The following ADAMTSL1 variants were observed in gnomAD, a reference collection of about 807,000 sequenced individuals.
The protein encoded by ADAMTSL1 is ADAMTS like 1.
ADAMTSL1 carries 126 observed loss-of-function variants against 201.8 expected under a neutral mutation model. The ratio of observed to expected loss-of-function variants is 0.62; its 90% CI spans 0.54 to 0.72. ADAMTSL1 has a LOEUF of 0.72. ADAMTSL1 is among the 30% of genes least tolerant of loss of function. The probability of loss-of-function intolerance (pLI) is 0.00; values close to 1 mark genes in which losing one functional copy is unlikely to be tolerated. For synonymous variants in ADAMTSL1, 1,121 were observed against 903.4 expected (o/e 1.24, Z -4.32); for missense variants, 2,679 against 2,277.8 (o/e 1.18, Z -3.59).
intron 2 of ADAMTSL1, among the ~76,000 whole-genome samples, chr9:18,454,498 G>A (rs1175430108): frequency 6.6e-6 from 1 of 152,062 alleles, no homozygotes; most frequent in Non-Finnish European, 1.5e-5. Flanking sequence ...CCTTAATCCA[G>A]TCAAGTCAAC....
At chr9:18,899,469 A>G (rs1829869630) in intron 26 of ADAMTSL1, among the ~76,000 whole-genome samples, 1 of 152,242 alleles carries the variant, frequency 6.6e-6, no homozygotes, top group Non-Finnish European at 1.5e-5. Context: ...TATGAAACTG[A>G]AAAAGAGCCC....
At chr9:18,118,956 G>T (rs1447544269) in intron 1 of ADAMTSL1, among the ~76,000 whole-genome samples, 1 of 152,130 alleles carries the variant, frequency 6.6e-6, no homozygotes, top group African/African-American at 2.4e-5. Context: ...GCAAACATTT[G>T]TTATTTTTGA....
At position 18,553,104 on chromosome 9, in the gene ADAMTSL1, CT is replaced by C. The variant is rs1270773583; in HGVS notation, c.237+19813del. ...CATCTATTTGCTGTCACTATGATTA[CT>C]GATAAAATTAGACTTATTTCTGCCA... On this transcript the variant is annotated intron_variant, in intron 3 of 28. Transcript: ENST00000380548. 3.3e-5 allele frequency among the ~76,000 whole-genome samples: 5 copies of C among 151,186 alleles called. No homozygotes were observed. In the East Asian group the frequency reaches 9.7e-4, roughly 29 times the overall value.
At chr9:18,231,364 A>C (rs1158316914) in intron 2 of ADAMTSL1, among the ~76,000 whole-genome samples, 1 of 152,142 alleles carries the variant, frequency 6.6e-6, no homozygotes, top group Non-Finnish European at 1.5e-5. Flanking sequence ...TATTAAACCC[A>C]TTGGCCTATT....
At chr9:18,195,482 G>T (rs1352132106) in intron 2 of ADAMTSL1, among the ~76,000 whole-genome samples, 1 of 152,178 alleles carries the variant, frequency 6.6e-6, no homozygotes, top group Non-Finnish European at 1.5e-5. Context: ...CTTGTAAGCA[G>T]CAGGACTGGG....
In ADAMTSL1 at chr9:18,776,972, G is replaced by C; in HGVS notation, c.2743G>C (p.Gly915Arg). The C allele has an allele frequency of 6.3e-7, 1 of 1,598,202 alleles. No homozygotes were observed. Among genetic ancestry groups the C allele is most frequent in the Non-Finnish European group, 8.5e-7 (1 of 1,170,798 alleles). ...RKPLITWEKD[G>R]QHLISSTHVT... is the part of the protein sequence containing the mutation. Reference sequence around the variant, plus strand: ...GCCCCTCATCACCTGGGAGAAGGACGGCCAGCACCTCATCAGCTCGACGCA... The same window carrying C: ...GCCCCTCATCACCTGGGAGAAGGACCGCCAGCACCTCATCAGCTCGACGCA... The change falls in exon 19 of 29, where the codon GGC becomes CGC. Residue 915 changes from glycine to arginine, a missense_variant. By Grantham distance (125) the Gly-to-Arg change is moderately radical (BLOSUM62 -2). Transcript: ENST00000380548.
chr9:18,803,732 T>C (rs1257554359), intron 20 of ADAMTSL1, among the ~76,000 whole-genome samples: 2 of 152,190 alleles, frequency 1.3e-5, no homozygotes, highest in Non-Finnish European at 2.9e-5. Context: ...TTAAAAATCC[T>C]TTTTTGGGTA....
At chr9:17,998,749 G>C (rs55730021) in intron 1 of ADAMTSL1, among the ~76,000 whole-genome samples, 5 of 151,840 alleles carry the variant, frequency 3.3e-5, no homozygotes, top group Non-Finnish European at 7.4e-5. Context: ...TAGGAGGTAG[G>C]CTTCTGACTT....
At chr9:18,188,621 G>A (rs1407768188) in intron 2 of ADAMTSL1, among the ~76,000 whole-genome samples, 1 of 152,170 alleles carries the variant, frequency 6.6e-6, no homozygotes, top group Admixed American at 6.6e-5. Flanking sequence ...GCGCCATTAG[G>A]TGGTGAGTTC....
chr9:18,406,013 T>C (rs1818176975), intron 2 of ADAMTSL1, among the ~76,000 whole-genome samples: 1 of 152,248 alleles, frequency 6.6e-6, no homozygotes, highest in Non-Finnish European at 1.5e-5. Flanking sequence ...TTGAGAATGT[T>C]AGGTCTTGAA....
intron 2 of ADAMTSL1, among the ~76,000 whole-genome samples, chr9:18,169,672 G>A (rs1334779194): frequency 1.3e-5 from 2 of 152,086 alleles, no homozygotes; most frequent in African/African-American, 4.8e-5. Flanking sequence ...AAAGTCATTG[G>A]TAGCTTGATG....
At chr9:18,312,523 A>G (rs1834195597) in intron 2 of ADAMTSL1, among the ~76,000 whole-genome samples, 1 of 152,186 alleles carries the variant, frequency 6.6e-6, no homozygotes. Context: ...TGGTAGTGGT[A>G]TGGACTGTGC....
chr9:18,315,409 G>C (rs972624066), intron 2 of ADAMTSL1, among the ~76,000 whole-genome samples: 3 of 152,036 alleles, frequency 2.0e-5, no homozygotes, highest in African/African-American at 4.8e-5. Context: ...AGGGAGGCTC[G>C]GGCCGTGTGG....
At chr9:18,522,507 T>C (rs959410092) in intron 2 of ADAMTSL1, among the ~76,000 whole-genome samples, 1 of 152,038 alleles carries the variant, frequency 6.6e-6, no homozygotes, top group African/African-American at 2.4e-5. Context: ...TTGTTACATA[T>C]GTATATATGT....
intron 1 of ADAMTSL1, among the ~76,000 whole-genome samples, chr9:18,159,690 C>A (rs1464028270): frequency 2.0e-5 from 3 of 151,910 alleles, no homozygotes; most frequent in African/African-American, 7.3e-5. Flanking sequence ...AAATTTTTAT[C>A]TTTTACACCA....
rs77806323 is a variant in ADAMTSL1 at position 18,539,027 on chromosome 9, C to T, written c.237+5735C>T. 8.0e-3 allele frequency among the ~76,000 whole-genome samples: 1,190 copies of T among 148,238 alleles called. 16 individuals are homozygous for T. The highest frequency in any genetic ancestry group is 0.042 in the East Asian group (217 of 5,176). Reference sequence around the variant, plus strand: ...CAGTGAGCCAACTCTTTCCAGCCAACGCTTGGCTCTTTCCAGCCAAGAGCC... The same window carrying T: ...CAGTGAGCCAACTCTTTCCAGCCAATGCTTGGCTCTTTCCAGCCAAGAGCC... On this transcript the variant is annotated intron_variant, in intron 3 of 28. Transcript: ENST00000380548.
At chr9:17,978,938 AG>A (rs1183419042) in intron 1 of ADAMTSL1, among the ~76,000 whole-genome samples, 3 of 145,142 alleles carry the variant, frequency 2.1e-5, no homozygotes, top group African/African-American at 7.6e-5. Context: ...CAGCTTTACT[AG>A]GTAAAGTATT....
intron 2 of ADAMTSL1, among the ~76,000 whole-genome samples, chr9:18,290,585 C>G (rs918541383): frequency 6.6e-6 from 1 of 151,816 alleles, no homozygotes; most frequent in African/African-American, 2.4e-5. Context: ...AAGACCACAA[C>G]AGGATCTTCC....
chr9:17,987,797 G>T (rs1480237886), intron 1 of ADAMTSL1, among the ~76,000 whole-genome samples: 1 of 152,002 alleles, frequency 6.6e-6, no homozygotes, highest in Non-Finnish European at 1.5e-5. Flanking sequence ...TAAATGTGTT[G>T]CTTGACTGAG....
Sources: gnomAD v4.1 joint callset for allele counts (sites outside exome capture counted in the v4.1 genomes callset) on GRCh38, gnomAD v4.1.1 for gene constraint, MANE v1.5 for transcripts, NCBI Gene and HGNC (gene_info 2026-07-23, HGNC 2026-07-21) for gene names.